The following MACROD2 variants were observed in gnomAD, a reference collection of about 807,000 sequenced individuals.
MACROD2 encodes the protein ADP-ribose glycohydrolase MACROD2.
MACROD2 carries 36 observed loss-of-function variants against 70.4 expected under a neutral mutation model. The observed-to-expected ratio is 0.51, with a 90% CI of 0.39 to 0.68. The LOEUF (loss-of-function observed/expected upper bound fraction) is 0.68, where lower values mean the gene tolerates loss of function less well. MACROD2 is among the 30% of genes least tolerant of loss of function. MACROD2 has a pLI of 0.00. For synonymous variants in MACROD2, 172 were observed against 178.8 expected (o/e 0.96, Z 0.30); for missense variants, 496 against 538.4 (o/e 0.92, Z 0.78).
At chr20:14,181,524 T>G (rs1363951876) in intron 3 of MACROD2, among the ~76,000 whole-genome samples, 1 of 152,100 alleles carries the variant, frequency 6.6e-6, no homozygotes, top group Non-Finnish European at 1.5e-5. Context: ...AAAGTATATA[T>G]TTTGCTGGCT....
At chr20:14,541,836 T>C (rs747486051) in intron 4 of MACROD2, among the ~76,000 whole-genome samples, 12 of 152,212 alleles carry the variant, frequency 7.9e-5, no homozygotes, top group Non-Finnish European at 1.3e-4. Context: ...GTCTTAAAAA[T>C]ATTGATTAAT....
chr20:14,284,154 A>G (rs1307365556), intron 3 of MACROD2, among the ~76,000 whole-genome samples: 1 of 152,082 alleles, frequency 6.6e-6, no homozygotes, highest in Non-Finnish European at 1.5e-5. Flanking sequence ...TTGTTAGTAG[A>G]GGTGTTGGGT....
chr20:14,875,279 G>T (rs1026923230), intron 5 of MACROD2, among the ~76,000 whole-genome samples: 1 of 151,942 alleles, frequency 6.6e-6, no homozygotes, highest in Admixed American at 6.5e-5. Context: ...TACTTGGGAG[G>T]CTGTGGCAGG....
At chr20:15,354,204 C>T (rs910053372) in intron 6 of MACROD2, among the ~76,000 whole-genome samples, 36 of 151,990 alleles carry the variant, frequency 2.4e-4, no homozygotes, top group South Asian at 4.2e-4. Flanking sequence ...TTTGTAGGGA[C>T]GTGGATGAAG....
rs531388543 is a variant in MACROD2, at chr20:14,427,339, C to T, written c.272-66140C>T. 1.8e-4 allele frequency among the ~76,000 whole-genome samples: 28 copies of T among 151,908 alleles called. 1 individual carries two copies. The highest frequency in any genetic ancestry group is 1.2e-3 in the South Asian group (6 of 4,804). On this transcript the variant is annotated intron_variant, in intron 3 of 17. Coordinates refer to ENST00000684519, the MANE Select transcript of MACROD2 (RefSeq NM_001351661.2). ...AAGATTTGCCCCAGTTAGGTACTTT[C>T]GCCTTCTAGTTTGTCTACAGCTTCT...
At chr20:15,263,183 T>A (rs897441408) in intron 6 of MACROD2, among the ~76,000 whole-genome samples, 1 of 152,068 alleles carries the variant, frequency 6.6e-6, no homozygotes, top group Non-Finnish European at 1.5e-5. Context: ...GGTCTCAGAT[T>A]TAAGTCTTTA....
chr20:15,147,653 T>C (rs757096825), intron 5 of MACROD2, among the ~76,000 whole-genome samples: 4 of 152,184 alleles, frequency 2.6e-5, no homozygotes, highest in Admixed American at 1.3e-4. Context: ...AGGAGACTAA[T>C]CATTGCCTCT....
At chr20:14,018,539 G>T (rs563701866) in intron 2 of MACROD2, among the ~76,000 whole-genome samples, 1 of 151,780 alleles carries the variant, frequency 6.6e-6, no homozygotes, top group South Asian at 2.1e-4. Flanking sequence ...ATATCTTTTA[G>T]TTTTCCTTCT....
At chr20:16,014,380 G>A (rs77030990) in intron 15 of MACROD2, among the ~76,000 whole-genome samples, 155 of 152,240 alleles carry the variant, frequency 1.0e-3, no homozygotes, top group African/African-American at 3.4e-3. Flanking sequence ...AAAGATTCTC[G>A]ATAAATAGCA....
chr20:15,517,634 G>A (rs2047587010), intron 8 of MACROD2, among the ~76,000 whole-genome samples: 1 of 152,188 alleles, frequency 6.6e-6, no homozygotes, highest in Admixed American at 6.5e-5. Context: ...ATGGGAGGGG[G>A]AGTAGAGAAA....
intron 3 of MACROD2, among the ~76,000 whole-genome samples, chr20:14,308,697 G>C (rs1166012329): frequency 6.6e-6 from 1 of 152,066 alleles, no homozygotes; most frequent in Non-Finnish European, 1.5e-5. Context: ...CTAGATCTCT[G>C]CCACATATTA....
intron 5 of MACROD2, chr20:14,888,071 A>G (rs2073703585): frequency 6.6e-6 from 1 of 152,016 alleles, no homozygotes; most frequent in African/African-American, 2.4e-5. Context: ...GTACTTTGGG[A>G]TTAGTTAGTG....
At chr20:15,026,363 T>C (rs1277480653) in intron 5 of MACROD2, among the ~76,000 whole-genome samples, 1 of 152,146 alleles carries the variant, frequency 6.6e-6, no homozygotes, top group East Asian at 1.9e-4. Context: ...TGGAAGGATT[T>C]CTAGGTATTC....
intron 5 of MACROD2, among the ~76,000 whole-genome samples, chr20:14,899,223 C>T (rs1287925649): frequency 1.3e-5 from 2 of 152,176 alleles, no homozygotes; most frequent in Non-Finnish European, 2.9e-5. Context: ...ATCAGTGTCA[C>T]TTTCCTCTGC....
intron 3 of MACROD2, among the ~76,000 whole-genome samples, chr20:14,137,271 C>A (rs112002851): frequency 1.2e-4 from 18 of 152,244 alleles, no homozygotes; most frequent in African/African-American, 3.4e-4. Flanking sequence ...TCTATTCTTA[C>A]AAGAGTAAGC....
intron 8 of MACROD2, among the ~76,000 whole-genome samples, chr20:15,826,460 T>C (rs2063998182): frequency 6.6e-6 from 1 of 152,244 alleles, no homozygotes; most frequent in Non-Finnish European, 1.5e-5. Context: ...GATGTATGTT[T>C]TCCCTACAAA....
chr20:14,253,101 G>A (rs1483248254), intron 3 of MACROD2, among the ~76,000 whole-genome samples: 1 of 151,964 alleles, frequency 6.6e-6, no homozygotes, highest in Non-Finnish European at 1.5e-5. Context: ...AAGGGTACAT[G>A]TAAATGGTAT....
chr20:15,979,072 G>C (rs1021601726), intron 13 of MACROD2, among the ~76,000 whole-genome samples: 1 of 152,322 alleles, frequency 6.6e-6, no homozygotes, highest in Middle Eastern at 3.4e-3. Context: ...AGCAGAGAAT[G>C]AATCAAGGGG....
At chr20:15,279,582 AG>A (rs1359843177) in intron 6 of MACROD2, among the ~76,000 whole-genome samples, 1 of 152,254 alleles carries the variant, frequency 6.6e-6, no homozygotes, top group Non-Finnish European at 1.5e-5. Context: ...GATACAAAAA[AG>A]TAAAATATGA....
Sources: gnomAD v4.1 joint callset for allele counts (sites outside exome capture counted in the v4.1 genomes callset) on GRCh38, gnomAD v4.1.1 for gene constraint, MANE v1.5 for transcripts, NCBI Gene and HGNC (gene_info 2026-07-23, HGNC 2026-07-21) for gene names.